Variants in SMAD1 observed in about 807,000 individuals in gnomAD.
The protein encoded by SMAD1 is SMAD family member 1, also known as MAD, mothers against decapentaplegic homolog 1.
SMAD1 carries 6 observed loss-of-function variants against 41.6 expected under a neutral mutation model. That is an observed-to-expected ratio of 0.14 (90% CI 0.08 to 0.28). The LOEUF is 0.28. Ranked by LOEUF, SMAD1 falls within the 10% of genes least tolerant of loss-of-function variation. SMAD1 has a pLI of 1.00. For synonymous variants in SMAD1, 206 were observed against 203.2 expected (o/e 1.01, Z -0.12); for missense variants, 379 against 582.6 (o/e 0.65, Z 3.60).
intron 1 of SMAD1, among the ~76,000 whole-genome samples, chr4:145,492,493 G>A (rs1335179695): frequency 2.0e-5 from 3 of 152,246 alleles, no homozygotes; most frequent in Non-Finnish European, 2.9e-5. Context: ...AAGGGGCATG[G>A]AGCTTCCATG....
chr4:145,547,812 G>A (rs1164822439), intron 5 of SMAD1, among the ~76,000 whole-genome samples: 1 of 152,186 alleles, frequency 6.6e-6, no homozygotes, highest in African/African-American at 2.4e-5. Flanking sequence ...GTGTATGTAT[G>A]TATGCATGTT....
At chr4:145,501,533 A>G (rs7689005) in intron 1 of SMAD1, among the ~76,000 whole-genome samples, 20,176 of 152,124 alleles carry the variant, frequency 0.13, 2,715 homozygotes, top group African/African-American at 0.33. Context: ...TGTGTCTGTC[A>G]GTTCACCCCT....
At position 145,515,023 on chromosome 4, in the gene SMAD1, T is replaced by C. The variant is rs1176997997; in HGVS notation, c.400+10T>C. 1 of 1,585,876 alleles carries C rather than the reference T, an allele frequency of 6.3e-7. No homozygotes were observed. The highest frequency in any genetic ancestry group is 1.1e-5 in the South Asian group (1 of 87,320). On this transcript the variant is annotated intron_variant, in intron 2 of 6. Transcript: ENST00000302085. ...AGAGTAGAAAGCCCTGGTAAGTGAG[T>C]TATTTTATGTTGATGTGCTTTGTGT...
Position 145,500,601 on chromosome 4 carries a change from A to G in SMAD1, c.-176-13837A>G, listed in dbSNP as rs530876569. ...AATGTAGGCCCCACCAAGGCACAGA[A>G]ACAGACTTTGAAAAACTTTTTGTGT... On this transcript the variant is annotated intron_variant, in intron 1 of 6. Transcript: ENST00000302085. Among the ~76,000 whole-genome samples, 4 of 152,260 alleles carry G rather than the reference A, an allele frequency of 2.6e-5. No homozygotes were observed. The South Asian group carries it at 8.3e-4, about 32-fold the overall frequency.
At chr4:145,553,319 C>T (rs1382068934) in intron 5 of SMAD1, among the ~76,000 whole-genome samples, 1 of 151,986 alleles carries the variant, frequency 6.6e-6, no homozygotes, top group Non-Finnish European at 1.5e-5. Flanking sequence ...ATCAGCCATC[C>T]CCAGTCTTTT....
At chr4:145,557,671 G>A (rs1001176075) in intron 6 of SMAD1, 120 bp from the exon 7 acceptor site, 2 of 679,918 alleles carry the variant, frequency 2.9e-6, no homozygotes, top group African/African-American at 1.8e-5. Context: ...GGGGCGGGGG[G>A]GTCAGGGAGG....
At chr4:145,495,521 C>T (rs913483767) in intron 1 of SMAD1, among the ~76,000 whole-genome samples, 8 of 151,804 alleles carry the variant, frequency 5.3e-5, no homozygotes, top group African/African-American at 1.9e-4. Flanking sequence ...AAACTATTAA[C>T]CTCAAGATAA....
chr4:145,529,917 T>C (rs1456700182), intron 2 of SMAD1, among the ~76,000 whole-genome samples: 3 of 152,226 alleles, frequency 2.0e-5, no homozygotes, highest in Non-Finnish European at 2.9e-5. Context: ...TATAAGAATC[T>C]GCCTTTTTAA....
chr4:145,484,138 G>A (rs1015330953), intron 1 of SMAD1, among the ~76,000 whole-genome samples: 1 of 152,104 alleles, frequency 6.6e-6, no homozygotes, highest in African/African-American at 2.4e-5. Flanking sequence ...TAGTAGATTG[G>A]AAAAAGAAGT....
At chr4:145,556,513 A>G (rs1048876061) in intron 6 of SMAD1, among the ~76,000 whole-genome samples, 2 of 151,634 alleles carry the variant, frequency 1.3e-5, no homozygotes, top group Non-Finnish European at 2.9e-5. Context: ...CTGGAGTGCA[A>G]TGGTGTGATC....
intron 1 of SMAD1, among the ~76,000 whole-genome samples, chr4:145,511,266 T>C (rs909028323): frequency 2.0e-5 from 3 of 149,876 alleles, no homozygotes; most frequent in Non-Finnish European, 4.4e-5. Context: ...TGTTTTGCAT[T>C]AATCATTTTT....
intron 2 of SMAD1, among the ~76,000 whole-genome samples, chr4:145,524,948 G>A (rs1694862811): frequency 6.6e-6 from 1 of 152,132 alleles, no homozygotes; most frequent in African/African-American, 2.4e-5. Flanking sequence ...TGTGCTTTTT[G>A]GCTTATTATT....
chr4:145,490,576 G>A (rs1728720366), intron 1 of SMAD1, among the ~76,000 whole-genome samples: 1 of 152,156 alleles, frequency 6.6e-6, no homozygotes, highest in Non-Finnish European at 1.5e-5. Flanking sequence ...TAGCAAATGG[G>A]TTCAGAGATA....
At position 145,482,586 on chromosome 4, in the gene SMAD1, G is replaced by A. The variant is rs1728251247; in HGVS notation, c.-177+548G>A. 1 of 149,766 alleles carries A rather than the reference G, an allele frequency of 6.7e-6. No homozygotes were observed. The highest frequency in any genetic ancestry group is 2.5e-5 in the African/African-American group (1 of 40,696). The allele number at this position is 149,766 out of a possible 1,614,324, so 9.3% of individuals were successfully genotyped here. A position where few individuals can be genotyped will look rare whatever the true frequency, so the allele number is the denominator to read the frequency against. On this transcript the variant is annotated intron_variant, in intron 1 of 6. Coordinates refer to ENST00000302085, the MANE Select transcript of SMAD1 (RefSeq NM_005900.3). This position sits in a 1 kb window ranked among gnomAD's most constrained non-coding sequence, Gnocchi z 4.2. ...CTGGTGGAGCGGGTCTCGCGGGCGG[G>A]GGACCCCGGCGCCCCGGGCCCCTCC...
chr4:145,515,070 G>A, intron 2 of SMAD1, 57 bp downstream of exon 2: 1 of 1,468,072 alleles, frequency 6.8e-7, no homozygotes, highest in Non-Finnish European at 9.2e-7. Flanking sequence ...GATTTGTGTT[G>A]TTTAGAACAT....
chr4:145,528,086 CACACACAT>C lies in SMAD1; in HGVS notation c.401-11710_401-11703del, dbSNP rs1430094946. On this transcript the variant is annotated intron_variant, in intron 2 of 6. Coordinates refer to ENST00000302085, the MANE Select transcript of SMAD1 (RefSeq NM_005900.3). ...ACACACACACACACACACACACACACACACACATACACACACATATATTTTTTTTTTTT... is the reference window on the plus strand; with the variant it reads ...ACACACACACACACACACACACACACACACACACATATATTTTTTTTTTTT... Among the ~76,000 whole-genome samples, 468 of 144,888 alleles carry C rather than the reference CACACACAT, an allele frequency of 3.2e-3. 2 individuals carry two copies. The highest frequency in any genetic ancestry group is 0.012 in the East Asian group (58 of 4,742).
At position 145,557,925 on chromosome 4, in the gene SMAD1, T is replaced by A; in HGVS notation, c.1389T>A (p.Ser463=). The A allele has an allele frequency of 7.5e-6, 12 of 1,606,326 alleles. No homozygotes were observed. Among genetic ancestry groups the A allele is most frequent in the Non-Finnish European group, 1.0e-5 (12 of 1,175,424 alleles). Residue 463 remains serine (S), a synonymous_variant, in exon 7 of 7, where the codon TCT becomes TCA. Coordinates refer to ENST00000302085, the MANE Select transcript of SMAD1 (RefSeq NM_005900.3). ...GTTCACCTCATAATCCTATTTCATC[T>A]GTATCTTAAATGGCCCCAGGCATCT... The part of the protein sequence containing the change: ...QMGSPHNPIS[S]VS
intron 1 of SMAD1, among the ~76,000 whole-genome samples, chr4:145,494,304 T>G (rs1728940399): frequency 6.6e-6 from 1 of 152,186 alleles, no homozygotes; most frequent in African/African-American, 2.4e-5. Context: ...GTATTTCTAT[T>G]TATGCTTATG....
At chr4:145,492,847 T>C (rs1333060503) in intron 1 of SMAD1, among the ~76,000 whole-genome samples, 1 of 152,218 alleles carries the variant, frequency 6.6e-6, no homozygotes, top group Non-Finnish European at 1.5e-5. Context: ...CAAATATATA[T>C]TTTACAGTAC....
Sources: allele counts gnomAD v4.1 joint callset (sites outside exome capture counted in the v4.1 genomes callset), GRCh38; gene constraint gnomAD v4.1.1; non-coding constraint Gnocchi (gnomAD v3.1); transcripts MANE v1.5; gene names NCBI Gene and HGNC (gene_info 2026-07-23, HGNC 2026-07-21).